Variants in FHIT observed in about 807,000 individuals in gnomAD.
The protein encoded by FHIT is bis(5'-adenosyl)-triphosphatase.
In FHIT, 19 loss-of-function variants were observed where a neutral mutation model predicts 17.9. The observed-to-expected ratio is 1.06, with a 90% CI of 0.74 to 1.56. The LOEUF (loss-of-function observed/expected upper bound fraction) is 1.56. Ranked by LOEUF, FHIT falls within the 40% of genes most tolerant of loss-of-function variation. The pLI is 0.00. For missense variants in FHIT, 248 were observed against 189.2 expected (o/e 1.31, Z -1.82); for synonymous variants, 81 against 69.7 (o/e 1.16, Z -0.81).
At chr3:60,295,983 G>A (rs1255322900) in intron 5 of FHIT, among the ~76,000 whole-genome samples, 1 of 152,048 alleles carries the variant, frequency 6.6e-6, no homozygotes, top group Non-Finnish European at 1.5e-5. Context: ...TACTGTTCTT[G>A]TGATAGTGAA....
intron 2 of FHIT, among the ~76,000 whole-genome samples, chr3:61,088,684 C>T (rs2106802232): frequency 6.6e-6 from 1 of 152,196 alleles, no homozygotes; most frequent in African/African-American, 2.4e-5. Context: ...TCATATTATG[C>T]AGGTATCCAA....
chr3:60,058,992 A>G (rs1702196731), intron 5 of FHIT, among the ~76,000 whole-genome samples: 1 of 152,220 alleles, frequency 6.6e-6, no homozygotes, highest in African/African-American at 2.4e-5. Context: ...CGAGTGAGTA[A>G]GAAAATCAAG....
intron 5 of FHIT, among the ~76,000 whole-genome samples, chr3:60,065,128 C>T (rs1702447385): frequency 6.6e-6 from 1 of 152,114 alleles, no homozygotes; most frequent in Non-Finnish European, 1.5e-5. Context: ...AAGAGAAGAC[C>T]TTCCAGACCA....
chr3:60,521,322 A>T (rs1245383837), intron 5 of FHIT, among the ~76,000 whole-genome samples: 1 of 151,966 alleles, frequency 6.6e-6, no homozygotes, highest in Non-Finnish European at 1.5e-5. Flanking sequence ...ATCTCGGCTC[A>T]CTGCAAGCTC....
At chr3:61,040,266 T>C (rs1378029968) in intron 3 of FHIT, among the ~76,000 whole-genome samples, 1 of 152,238 alleles carries the variant, frequency 6.6e-6, no homozygotes, top group Non-Finnish European at 1.5e-5. Context: ...GTTACCTAAA[T>C]CAAGTTTCAC....
intron 4 of FHIT, among the ~76,000 whole-genome samples, chr3:60,648,161 G>C (rs1030288778): frequency 2.6e-5 from 4 of 152,144 alleles, no homozygotes; most frequent in Non-Finnish European, 2.9e-5. Flanking sequence ...AACCACAACA[G>C]GTTGACGTCC....
chr3:60,595,565 G>GTA (rs781897930), intron 4 of FHIT, among the ~76,000 whole-genome samples: 92 of 150,178 alleles, frequency 6.1e-4, no homozygotes, highest in South Asian at 2.1e-3. Flanking sequence ...GGACATATGT[G>GTA]TATATATATA....
At chr3:60,684,630 G>A (rs981428465) in intron 4 of FHIT, among the ~76,000 whole-genome samples, 7 of 152,062 alleles carry the variant, frequency 4.6e-5, no homozygotes, top group Non-Finnish European at 8.8e-5. Context: ...TCCAAGGAGA[G>A]TATTCAAGAG....
At chr3:61,050,162 A>T (rs7632898) in intron 2 of FHIT, among the ~76,000 whole-genome samples, 122,151 of 152,164 alleles carry the variant, frequency 0.8, 49,901 homozygotes, top group East Asian at 0.99. Flanking sequence ...TTTCTCTTGT[A>T]AATCTATCTT....
At chr3:60,959,194 G>A (rs1553779797) in intron 3 of FHIT, among the ~76,000 whole-genome samples, 2 of 152,108 alleles carry the variant, frequency 1.3e-5, no homozygotes, top group African/African-American at 4.8e-5. Flanking sequence ...GGCAGACCTA[G>A]GTTGAAATTC....
chr3:60,639,348 G>A (rs2039668931), intron 4 of FHIT, among the ~76,000 whole-genome samples: 3 of 151,976 alleles, frequency 2.0e-5, no homozygotes, highest in Admixed American at 2.0e-4. Flanking sequence ...TGAGATATTT[G>A]CAAATTCCTA....
chr3:60,606,577 T>C (rs898056259), intron 4 of FHIT, among the ~76,000 whole-genome samples: 5 of 152,134 alleles, frequency 3.3e-5, no homozygotes, highest in Non-Finnish European at 7.4e-5. Flanking sequence ...GGGACTTTTC[T>C]CCTATTATAA....
intron 2 of FHIT, among the ~76,000 whole-genome samples, chr3:61,185,142 A>G (rs1035323097): frequency 6.6e-6 from 1 of 152,218 alleles, no homozygotes; most frequent in Non-Finnish European, 1.5e-5. Context: ...GCATATGTTC[A>G]TAAGCTTTCC....
At chr3:60,785,446 T>C (rs1553726610) in intron 4 of FHIT, among the ~76,000 whole-genome samples, 3 of 152,164 alleles carry the variant, frequency 2.0e-5, no homozygotes, top group South Asian at 4.1e-4. Context: ...CGAAGAGAAG[T>C]GCCTCTGGAT....
At chr3:60,723,356 G>A (rs1246354992) in intron 4 of FHIT, among the ~76,000 whole-genome samples, 2 of 151,770 alleles carry the variant, frequency 1.3e-5, no homozygotes, top group African/African-American at 2.4e-5. Flanking sequence ...CTGGTAAACA[G>A]TTCCCTACAC....
At chr3:59,797,189 A>ATTTT (rs201641033) in intron 8 of FHIT, among the ~76,000 whole-genome samples, 75 of 145,174 alleles carry the variant, frequency 5.2e-4, no homozygotes, top group African/African-American at 1.8e-3. Flanking sequence ...TGATATTACA[A>ATTTT]TTTTTTTTTT....
chr3:61,250,788 C>T (rs2365389), intron 1 of FHIT, among the ~76,000 whole-genome samples: 85,254 of 152,036 alleles, frequency 0.56, 26,687 homozygotes, highest in East Asian at 0.87. Flanking sequence ...TTCGATGCCT[C>T]TTTGCCTGTT....
chr3:60,270,285 T>C (rs546898684), intron 5 of FHIT, among the ~76,000 whole-genome samples: 2 of 152,316 alleles, frequency 1.3e-5, no homozygotes, highest in Admixed American at 6.5e-5. Context: ...TGAGGCTTTG[T>C]TGCCCTCTCT....
chr3:59,749,388 C>A lies in FHIT; in HGVS notation c.*197G>T, dbSNP rs563500838. On this transcript the variant is annotated 3_prime_UTR_variant, in exon 10 of 10. Coordinates refer to ENST00000492590, the MANE Select transcript of FHIT (RefSeq NM_002012.4). ...GAAACCTCAAATCTGCCTGTCTGAG[C>A]CGTTTAGGTCTAGGTATTTTAAGGG... is the stretch of plus-strand genomic sequence containing the variant. 8 of 230,950 alleles carry A rather than the reference C, an allele frequency of 3.5e-5. No homozygotes were observed. The highest frequency in any genetic ancestry group is 1.8e-4 in the African/African-American group (8 of 44,972). 14.3% of individuals were successfully genotyped at this position (230,950 alleles called of 1,614,324 possible).
Sources: gnomAD v4.1 joint callset for allele counts (sites outside exome capture counted in the v4.1 genomes callset) on GRCh38, gnomAD v4.1.1 for gene constraint, MANE v1.5 for transcripts, NCBI Gene and HGNC (gene_info 2026-07-23, HGNC 2026-07-21) for gene names.